Variants in CATSPERT observed in about 807,000 individuals in gnomAD.
CATSPERT encodes the protein catsper channel auxiliary subunit tau.
the CATSPERT span, among the ~76,000 whole-genome samples, chr2:201,558,905 G>C: frequency 2.6e-5 from 4 of 152,172 alleles, no homozygotes. Context: ...CACAGAGCCT[G>C]GGTCTAGTAC....
chr2:201,603,277 T>C, the CATSPERT span: 22 of 1,609,656 alleles, frequency 1.4e-5, no homozygotes, highest in Non-Finnish European at 1.9e-5. Context: ...GCAGCCAACC[T>C]ACAACAATCA....
At chr2:201,527,835 G>T in the CATSPERT span, among the ~76,000 whole-genome samples, 9 of 151,888 alleles carry the variant, frequency 5.9e-5, no homozygotes, top group Non-Finnish European at 1.3e-4. Flanking sequence ...CACCATTCTG[G>T]ACATAGACCC....
the CATSPERT span, among the ~76,000 whole-genome samples, chr2:201,615,838 G>A: frequency 2.0e-5 from 3 of 151,908 alleles, no homozygotes; most frequent in Admixed American, 2.0e-4. Flanking sequence ...AAAGAGAGAA[G>A]AATCAAATAG....
At chr2:201,543,220 T>C in the CATSPERT span, among the ~76,000 whole-genome samples, 1 of 152,214 alleles carries the variant, frequency 6.6e-6, no homozygotes, top group African/African-American at 2.4e-5. Context: ...TATATGTTTA[T>C]CTTTATGCCA....
the CATSPERT span, chr2:201,491,869 T>C: frequency 6.5e-7 from 1 of 1,536,980 alleles, no homozygotes; most frequent in South Asian, 1.2e-5. Context: ...AACAGAATTT[T>C]CTGCTTGAGG....
chr2:201,553,622 T>C, the CATSPERT span: 2 of 152,240 alleles, frequency 1.3e-5, no homozygotes, highest in Non-Finnish European at 2.9e-5. Flanking sequence ...ATGAAGTTCC[T>C]ATTCTTTTAG....
the CATSPERT span, among the ~76,000 whole-genome samples, chr2:201,591,331 T>C: frequency 2.0e-5 from 3 of 152,232 alleles, no homozygotes; most frequent in Non-Finnish European, 2.9e-5. Context: ...TCTGCTCTGT[T>C]CCATTGATCT....
chr2:201,530,961 GTTTT>G, the CATSPERT span, among the ~76,000 whole-genome samples: 4 of 106,042 alleles, frequency 3.8e-5, no homozygotes, highest in Non-Finnish European at 7.4e-5. Flanking sequence ...TTTTTTGTGG[GTTTT>G]TTTTTTTTTT....
At chr2:201,496,077 A>G in the CATSPERT span, 1 of 668,300 alleles carries the variant, frequency 1.5e-6, no homozygotes, top group Non-Finnish European at 2.4e-6. Context: ...AAACCTAAAT[A>G]TTTTTATCAT....
chr2:201,574,125 G>A, the CATSPERT span: 1 of 973,556 alleles, frequency 1.0e-6, no homozygotes, highest in Non-Finnish European at 1.5e-6. Context: ...TTAAACAATT[G>A]TTCAAACTGA....
At chr2:201,595,654 C>A in the CATSPERT span, among the ~76,000 whole-genome samples, 2 of 151,192 alleles carry the variant, frequency 1.3e-5, no homozygotes, top group Non-Finnish European at 1.5e-5. Flanking sequence ...GTTCTCAGAT[C>A]TCCAGCTGCG....
chr2:201,551,119 G>C, the CATSPERT span: 1 of 152,120 alleles, frequency 6.6e-6, no homozygotes, highest in African/African-American at 2.4e-5. Context: ...AAATATATTG[G>C]AAAATTGTTT....
At chr2:201,560,655 T>C in the CATSPERT span, among the ~76,000 whole-genome samples, 3 of 151,552 alleles carry the variant, frequency 2.0e-5, no homozygotes, top group African/African-American at 7.3e-5. Context: ...ATTATGAGAG[T>C]TCCAGAAGAA....
chr2:201,571,857 C>A, the CATSPERT span: 1 of 1,275,838 alleles, frequency 7.8e-7, no homozygotes, highest in South Asian at 1.3e-5. Flanking sequence ...TAAAATAACT[C>A]CACCAAAATG....
the CATSPERT span, among the ~76,000 whole-genome samples, chr2:201,618,728 TA>T: frequency 3.0e-3 from 413 of 139,628 alleles, 1 homozygote; most frequent in African/African-American, 6.9e-3. Context: ...AAAATAAAAA[TA>T]AAAAAAAGGA....
At chr2:201,593,707 G>C in the CATSPERT span, among the ~76,000 whole-genome samples, 1 of 150,926 alleles carries the variant, frequency 6.6e-6, no homozygotes, top group Admixed American at 6.6e-5. Context: ...TCTTCTTGTT[G>C]AATTGATCCC....
the CATSPERT span, among the ~76,000 whole-genome samples, chr2:201,583,799 C>A: frequency 5.3e-5 from 8 of 152,030 alleles, no homozygotes; most frequent in South Asian, 2.1e-4. Flanking sequence ...CAAAAATAGA[C>A]CCCCAAAACA....
the CATSPERT span, chr2:201,494,192 ATTTATCATGAATGCT>A: frequency 1.3e-6 from 2 of 1,534,174 alleles, no homozygotes; most frequent in Non-Finnish European, 1.7e-6. Flanking sequence ...CTACTTGATG[ATTTATCATGAATGCT>A]TAGAAGTGGA....
chr2:201,494,163 C>T, the CATSPERT span: 1 of 1,530,756 alleles, frequency 6.5e-7, no homozygotes, highest in South Asian at 1.2e-5. Flanking sequence ...GTTTTTTTTC[C>T]AATACGTTGT....
Sources: allele counts gnomAD v4.1 joint callset (sites outside exome capture counted in the v4.1 genomes callset), GRCh38; gene constraint gnomAD v4.1.1; transcripts MANE v1.5; gene names NCBI Gene and HGNC (gene_info 2026-07-23, HGNC 2026-07-21).